The following TMEM156 variants were observed in gnomAD, a reference collection of about 807,000 sequenced individuals.
TMEM156 encodes the protein transmembrane protein 156.
Under a neutral mutation model 30.5 loss-of-function variants are expected in TMEM156, and 28 were observed. That is an observed-to-expected ratio of 0.92 (90% CI 0.68 to 1.26). The LOEUF (loss-of-function observed/expected upper bound fraction) is 1.26. Ranked by LOEUF, TMEM156 falls within the 50% of genes most tolerant of loss-of-function variation. The pLI is 0.00. For missense variants in TMEM156, 351 were observed against 340.6 expected (o/e 1.03, Z -0.24); for synonymous variants, 137 against 119.9 (o/e 1.14, Z -0.93).
At chr4:38,983,550 C>T (rs541048119) in intron 5 of TMEM156, among the ~76,000 whole-genome samples, 1 of 152,288 alleles carries the variant, frequency 6.6e-6, no homozygotes, top group African/African-American at 2.4e-5. Context: ...AAGCATGTGC[C>T]ACCACATCTG....
chr4:38,985,985 T>G (rs1298933596), intron 5 of TMEM156, among the ~76,000 whole-genome samples: 1 of 152,248 alleles, frequency 6.6e-6, no homozygotes, highest in Non-Finnish European at 1.5e-5. Flanking sequence ...GCGAAAGCCA[T>G]GCCCACTCTG....
rs142278071 is a variant in TMEM156, at chr4:38,995,656, A to G, written c.359-1658T>C. On this transcript the variant is annotated intron_variant, in intron 2 of 6. Coordinates refer to ENST00000381938, the MANE Select transcript of TMEM156 (RefSeq NM_024943.3). ...CTTGAATCTGGGAGGCAGAGGTTGT[A>G]GTGAGCCAAGATCACGCCACTGCAC... Among the ~76,000 whole-genome samples, 1,223 of 152,358 alleles carry G rather than the reference A, an allele frequency of 8.0e-3. 25 individuals carry two copies. The highest frequency in any genetic ancestry group is 0.027 in the African/African-American group (1,113 of 41,586).
chr4:38,967,819 G>A (rs902801996), intron 6 of TMEM156, among the ~76,000 whole-genome samples, 178 bp from the exon 7 acceptor site: 13 of 152,172 alleles, frequency 8.5e-5, no homozygotes, highest in African/African-American at 2.2e-4. Flanking sequence ...CAACCTGACC[G>A]CCTCAGCCTC....
intron 1 of TMEM156, among the ~76,000 whole-genome samples, chr4:38,999,522 G>A (rs1713190603): frequency 6.6e-6 from 1 of 152,188 alleles, no homozygotes; most frequent in African/African-American, 2.4e-5. Context: ...GAGTTGAACA[G>A]GGTATGAAAA....
intron 1 of TMEM156, among the ~76,000 whole-genome samples, chr4:39,025,548 C>T (rs184783797): frequency 5.3e-5 from 8 of 152,082 alleles, no homozygotes; most frequent in South Asian, 4.1e-4. Flanking sequence ...CAAGGGACTA[C>T]GGATTTATTC....
At chr4:39,028,996 G>A (rs1261742535) in intron 1 of TMEM156, among the ~76,000 whole-genome samples, 2 of 152,146 alleles carry the variant, frequency 1.3e-5, no homozygotes, top group Non-Finnish European at 2.9e-5. Flanking sequence ...AGCTTATACT[G>A]TGTAATTGTG....
intron 1 of TMEM156, among the ~76,000 whole-genome samples, chr4:39,001,214 C>CAAAAAAAAAAAAAAA (rs34945666): frequency 1.7e-5 from 2 of 115,098 alleles, no homozygotes; most frequent in Non-Finnish European, 3.4e-5. Flanking sequence ...ACTAAAAATA[C>CAAAAAAAAAAAAAAA]AAAAAAAAAA....
At chr4:39,006,630 G>A (rs116093241) in intron 1 of TMEM156, among the ~76,000 whole-genome samples, 1,572 of 151,890 alleles carry the variant, frequency 0.01, 11 homozygotes, top group Non-Finnish European at 0.013. Flanking sequence ...CTTAATATAC[G>A]GACTGCCTGG....
chr4:39,026,722 T>A (rs1715224435), intron 1 of TMEM156, among the ~76,000 whole-genome samples: 1 of 151,244 alleles, frequency 6.6e-6, no homozygotes, highest in African/African-American at 2.4e-5. Context: ...AGATCAGGAG[T>A]TCAAGACCAG....
chr4:38,991,933 G>T (rs1247753523), intron 3 of TMEM156, among the ~76,000 whole-genome samples: 1 of 152,048 alleles, frequency 6.6e-6, no homozygotes, highest in East Asian at 1.9e-4. Context: ...GATCTACTCA[G>T]ATCCTCTTCC....
intron 2 of TMEM156, among the ~76,000 whole-genome samples, chr4:38,997,720 T>C (rs796928548): frequency 4.6e-5 from 7 of 152,378 alleles, no homozygotes; most frequent in African/African-American, 1.7e-4. Context: ...GGTCTCATGA[T>C]AACTGCAAGG....
At chr4:38,974,535 T>TA (rs747903897) in intron 5 of TMEM156, among the ~76,000 whole-genome samples, 1 of 152,218 alleles carries the variant, frequency 6.6e-6, no homozygotes, top group Non-Finnish European at 1.5e-5. Context: ...CTCTTCCTGT[T>TA]ACTTTTTGAA....
intron 1 of TMEM156, among the ~76,000 whole-genome samples, chr4:39,003,870 G>T (rs559797478): frequency 4.3e-4 from 66 of 152,210 alleles, no homozygotes; most frequent in Admixed American, 1.8e-3. Context: ...GAGAGATAGA[G>T]AAATGTTTAC....
At chr4:39,011,767 C>G (rs2110022484) in intron 1 of TMEM156, among the ~76,000 whole-genome samples, 1 of 152,004 alleles carries the variant, frequency 6.6e-6, no homozygotes, top group African/African-American at 2.4e-5. Context: ...AGTGAGACTC[C>G]ATCTCAAAAA....
intron 1 of TMEM156, among the ~76,000 whole-genome samples, chr4:39,005,546 G>A (rs28489137): frequency 0.31 from 45,939 of 150,250 alleles, 7,120 homozygotes; most frequent in East Asian, 0.44. Context: ...ACCCAGTCTC[G>A]GATAGTATCT....
At chr4:38,975,386 T>C (rs1430963077) in intron 5 of TMEM156, among the ~76,000 whole-genome samples, 3 of 60,922 alleles carry the variant, frequency 4.9e-5, no homozygotes, top group African/African-American at 1.6e-4. Context: ...TTTCTTTTCT[T>C]TTTTTTTTTT....
In TMEM156 at chr4:39,001,143, G is replaced by T. The variant is rs188799142; in HGVS notation, c.89-2234C>A. Among the ~76,000 whole-genome samples, 11 of 150,974 alleles carry T rather than the reference G, an allele frequency of 7.3e-5. No homozygotes were observed. The East Asian group carries it at 2.1e-3, about 29-fold the overall frequency. On this transcript the variant is annotated intron_variant, in intron 1 of 6. Transcript: ENST00000381938. ...CCGACCACTTCGGGAGGCTGAGGCGGGTGGATCACGAGGTCAGGAGATGGA... is the reference window on the plus strand; with the variant it reads ...CCGACCACTTCGGGAGGCTGAGGCGTGTGGATCACGAGGTCAGGAGATGGA...
intron 1 of TMEM156, among the ~76,000 whole-genome samples, chr4:39,031,887 A>G (rs1376672004): frequency 1.1e-5 from 1 of 91,530 alleles, no homozygotes; most frequent in Non-Finnish European, 2.1e-5. Flanking sequence ...TCAAAAAAAA[A>G]AAATAAAAAA....
intron 5 of TMEM156, among the ~76,000 whole-genome samples, chr4:38,979,211 C>A (rs554843000): frequency 6.6e-6 from 1 of 152,332 alleles, no homozygotes; most frequent in East Asian, 1.9e-4. Flanking sequence ...AAGGGAAGCA[C>A]TGGACCAGAT....
Sources: gnomAD v4.1 joint callset for allele counts (sites outside exome capture counted in the v4.1 genomes callset) on GRCh38, gnomAD v4.1.1 for gene constraint, MANE v1.5 for transcripts, NCBI Gene and HGNC (gene_info 2026-07-23, HGNC 2026-07-21) for gene names.